The following TBC1D5 variants were observed in gnomAD, a reference collection of about 807,000 sequenced individuals.
TBC1D5 encodes TBC1 domain family member 5.
A neutral mutation model predicts 100.3 loss-of-function variants in TBC1D5; 75 were observed. The ratio of observed to expected loss-of-function variants is 0.75; its 90% confidence interval spans 0.62 to 0.91. The LOEUF (loss-of-function observed/expected upper bound fraction) is 0.91, where lower values mean the gene tolerates loss of function less well. Among genes scored for constraint, TBC1D5 ranks in the 40% least tolerant of loss-of-function variants. TBC1D5 has a pLI of 0.00. For synonymous variants in TBC1D5, 323 were observed against 325.6 expected (o/e 0.99, Z 0.09); for missense variants, 910 against 942.4 (o/e 0.97, Z 0.45).
intron 1 of TBC1D5, among the ~76,000 whole-genome samples, chr3:17,730,579 A>C (rs2076475526): frequency 6.6e-6 from 1 of 152,146 alleles, no homozygotes; most frequent in South Asian, 2.1e-4. Context: ...GAAGTAGATA[A>C]TCTAACCCCC....
At chr3:17,459,198 G>A (rs1054328019) in intron 3 of TBC1D5, among the ~76,000 whole-genome samples, 10 of 152,076 alleles carry the variant, frequency 6.6e-5, no homozygotes, top group South Asian at 2.1e-4. Flanking sequence ...ATAGAGCAGC[G>A]GTCCTCAATC....
intron 17 of TBC1D5, among the ~76,000 whole-genome samples, chr3:17,227,616 C>T (rs1441562688): frequency 6.6e-6 from 1 of 152,024 alleles, no homozygotes; most frequent in East Asian, 1.9e-4. Context: ...CTAAATACCA[C>T]ATGTTCTCAC....
intron 1 of TBC1D5, among the ~76,000 whole-genome samples, chr3:17,656,259 G>C (rs2066051648): frequency 6.6e-6 from 1 of 152,200 alleles, no homozygotes; most frequent in Admixed American, 6.6e-5. Context: ...CAGGCTCAGG[G>C]TCATCAGTAA....
chr3:17,206,103 C>T (rs1033309547), intron 18 of TBC1D5, among the ~76,000 whole-genome samples: 1 of 152,162 alleles, frequency 6.6e-6, no homozygotes, highest in African/African-American at 2.4e-5. Flanking sequence ...ATATCCGCCA[C>T]TACTACCTGT....
intron 3 of TBC1D5, among the ~76,000 whole-genome samples, chr3:17,429,179 A>T: frequency 6.6e-6 from 1 of 152,106 alleles, no homozygotes; most frequent in Non-Finnish European, 1.5e-5. Context: ...TTACTCAAAA[A>T]TCTATCATAT....
intron 7 of TBC1D5, among the ~76,000 whole-genome samples, chr3:17,404,386 A>G (rs770643537): frequency 3.3e-5 from 5 of 151,956 alleles, no homozygotes; most frequent in Non-Finnish European, 7.4e-5. Context: ...TAGCTACCCA[A>G]TTCCCCACTG....
intron 18 of TBC1D5, among the ~76,000 whole-genome samples, chr3:17,188,342 C>G (rs1437440022): frequency 1.3e-5 from 2 of 152,106 alleles, no homozygotes; most frequent in African/African-American, 4.8e-5. Context: ...ATCTTGAATA[C>G]CTAAAACCCA....
At position 17,737,825 on chromosome 3, in the gene TBC1D5, CAA is replaced by C. The variant is rs11374153; in HGVS notation, c.-101+1516_-101+1517del. Among the ~76,000 whole-genome samples the C allele has an allele frequency of 1.0e-4, 15 of 144,216 alleles. No individual in the cohort carries two copies. The East Asian group carries it at 2.8e-3, about 26-fold the overall frequency. The allele number at this position is 144,216 out of a possible 152,430, so 94.6% of individuals were successfully genotyped here. ...CAAAACTTTTAAGACTATTTTGTTT[CAA>C]AAAAAAAAAAACCCAGTTAACATCT... On this transcript the variant is annotated intron_variant, in intron 1 of 21. Transcript: ENST00000253692.
intron 14 of TBC1D5, among the ~76,000 whole-genome samples, chr3:17,294,471 T>C (rs1393160770): frequency 1.3e-5 from 2 of 152,322 alleles, no homozygotes; most frequent in Non-Finnish European, 1.5e-5. Flanking sequence ...CTGATTTAGA[T>C]ATAAACATAT....
At chr3:17,452,727 C>T (rs1474345838) in intron 3 of TBC1D5, among the ~76,000 whole-genome samples, 4 of 152,016 alleles carry the variant, frequency 2.6e-5, no homozygotes, top group Non-Finnish European at 4.4e-5. Context: ...GAGAATTCAG[C>T]ACCCCACTTT....
intron 13 of TBC1D5, chr3:17,333,451 A>G (rs184060597): frequency 1.3e-5 from 2 of 152,312 alleles, no homozygotes; most frequent in Admixed American, 6.5e-5. Flanking sequence ...GATGCATCCA[A>G]TTCCCCAAAA....
chr3:17,207,862 T>G (rs932622756), intron 18 of TBC1D5, among the ~76,000 whole-genome samples: 1 of 152,236 alleles, frequency 6.6e-6, no homozygotes, highest in African/African-American at 2.4e-5. Flanking sequence ...TCTACCACTA[T>G]TTTGGCAATT....
chr3:17,649,071 T>A (rs867444028), intron 1 of TBC1D5, among the ~76,000 whole-genome samples: 1 of 152,066 alleles, frequency 6.6e-6, no homozygotes, highest in Admixed American at 6.6e-5. Context: ...ACACATGGAA[T>A]CAACCTAAAT....
intron 4 of TBC1D5, among the ~76,000 whole-genome samples, chr3:17,427,110 T>C (rs535966594): frequency 6.6e-6 from 1 of 152,118 alleles, no homozygotes; most frequent in Non-Finnish European, 1.5e-5. Context: ...TATATTATAC[T>C]TCAGGACTCA....
chr3:17,522,687 G>T (rs920119190), intron 2 of TBC1D5, among the ~76,000 whole-genome samples: 1 of 152,020 alleles, frequency 6.6e-6, no homozygotes, highest in Admixed American at 6.6e-5. Flanking sequence ...AACTCCCAGG[G>T]AATTTTACTA....
chr3:17,258,364 C>T, intron 16 of TBC1D5, 142 bp downstream of exon 16: 1 of 766,970 alleles, frequency 1.3e-6, no homozygotes, highest in Non-Finnish European at 2.1e-6. Context: ...TTTAAAATAA[C>T]TTGGGTAATT....
At chr3:17,367,209 T>C (rs1210854300) in intron 13 of TBC1D5, among the ~76,000 whole-genome samples, 3 of 152,206 alleles carry the variant, frequency 2.0e-5, no homozygotes, top group Admixed American at 2.0e-4. Context: ...CTTCAAATTT[T>C]AGTCTCTTTA....
chr3:17,240,881 G>C (rs2076251461), intron 16 of TBC1D5, among the ~76,000 whole-genome samples: 1 of 152,084 alleles, frequency 6.6e-6, no homozygotes, highest in Admixed American at 6.5e-5. Context: ...GCATTATCAA[G>C]AGAATACGGT....
At chr3:17,522,484 T>C (rs1248618672) in intron 2 of TBC1D5, among the ~76,000 whole-genome samples, 1 of 152,122 alleles carries the variant, frequency 6.6e-6, no homozygotes, top group Admixed American at 6.5e-5. Context: ...GCTCACATAA[T>C]ATCTTGAAGT....
Sources: gnomAD v4.1 joint callset for allele counts (sites outside exome capture counted in the v4.1 genomes callset) on GRCh38, gnomAD v4.1.1 for gene constraint, MANE v1.5 for transcripts, NCBI Gene and HGNC (gene_info 2026-07-23, HGNC 2026-07-21) for gene names.